YEATS2: variants seen among roughly 807,000 people sequenced by gnomAD.
YEATS2 encodes YEATS domain containing 2.
A neutral mutation model predicts 163.2 loss-of-function variants in YEATS2; 77 were observed. The observed-to-expected ratio is 0.47, with a 90% CI of 0.39 to 0.57. The LOEUF (loss-of-function observed/expected upper bound fraction) is 0.57. YEATS2 is among the 20% of genes least tolerant of loss of function. The probability of loss-of-function intolerance (pLI) is 0.00; values close to 1 mark genes in which losing one functional copy is unlikely to be tolerated. For synonymous variants in YEATS2, 631 were observed against 645.1 expected (o/e 0.98, Z 0.33); for missense variants, 1,549 against 1,729.8 (o/e 0.90, Z 1.85).
chr3:183,758,778 A>C, intron 12 of YEATS2, 84 bp from the exon 13 acceptor site: 3 of 935,186 alleles, frequency 3.2e-6, no homozygotes, highest in Non-Finnish European at 5.0e-6. Context: ...ATAGTGCGAA[A>C]GAGGGGAGGA....
Position 183,804,213 on chromosome 3 carries a change from G to A in YEATS2, c.3784+25G>A. On this transcript the variant is annotated intron_variant, in intron 27 of 30. Coordinates refer to ENST00000305135, the MANE Select transcript of YEATS2 (RefSeq NM_018023.5). ...GGTAAGCCTTCAGTGGCACTGCCCAGAGCGCCTGGCAGCCTGGAGGCATTT... is the reference window on the plus strand; with the variant it reads ...GGTAAGCCTTCAGTGGCACTGCCCAAAGCGCCTGGCAGCCTGGAGGCATTT... 2.5e-6 allele frequency: 4 copies of A among 1,613,270 alleles called. No individual in the cohort carries two copies. In the South Asian group the frequency reaches 4.4e-5, roughly 18 times the overall value.
intron 15 of YEATS2, among the ~76,000 whole-genome samples, chr3:183,771,088 G>T (rs910288446): frequency 1.3e-5 from 2 of 152,146 alleles, no homozygotes; most frequent in African/African-American, 4.8e-5. Context: ...TTCAGTTTTA[G>T]CAGATGGGCC....
intron 7 of YEATS2, among the ~76,000 whole-genome samples, chr3:183,734,098 A>G (rs1718092564): frequency 6.6e-6 from 1 of 152,208 alleles, no homozygotes; most frequent in Non-Finnish European, 1.5e-5. Flanking sequence ...ATAGAAATAT[A>G]CTGTGAGCCA....
At chr3:183,750,872 A>G (rs1720087510) in intron 9 of YEATS2, among the ~76,000 whole-genome samples, 1 of 152,138 alleles carries the variant, frequency 6.6e-6, no homozygotes, top group Non-Finnish European at 1.5e-5. Context: ...TGATTTGCAA[A>G]TATTTACTTC....
chr3:183,794,008 G>A (rs569421381), intron 21 of YEATS2, among the ~76,000 whole-genome samples: 1 of 152,292 alleles, frequency 6.6e-6, no homozygotes, highest in African/African-American at 2.4e-5. Context: ...TTAAACTTAA[G>A]GTCTCATTGG....
chr3:183,714,065 A>C (rs1440695968), intron 1 of YEATS2, among the ~76,000 whole-genome samples: 1 of 152,132 alleles, frequency 6.6e-6, no homozygotes, highest in African/African-American at 2.4e-5. Context: ...TGCTTCCCAA[A>C]GTGCTGGGAT....
chr3:183,728,837 C>T lies in YEATS2; in HGVS notation c.798C>T (p.Asp266=). The T allele has an allele frequency of 1.2e-6, 2 of 1,609,868 alleles. No homozygotes were observed. The highest frequency in any genetic ancestry group is 1.7e-6 in the Non-Finnish European group (2 of 1,178,874). ...TTCATCCTAGCTATAAACCAAATGA[C>T]CTTGTGGAAGTTAGGTAAGCACGCT... The part of the protein sequence containing the change: ...FFLHPSYKPN[D]LVEVREPPFH... The change falls in exon 7 of 31, where the codon GAC becomes GAT. Residue 266 remains aspartate, a synonymous_variant. Coordinates refer to ENST00000305135, the MANE Select transcript of YEATS2 (RefSeq NM_018023.5).
At chr3:183,711,989 T>G (rs1715274836) in intron 1 of YEATS2, among the ~76,000 whole-genome samples, 1 of 151,264 alleles carries the variant, frequency 6.6e-6, no homozygotes, top group Admixed American at 6.6e-5. Context: ...CTGGCTAATT[T>G]TTGTATTTTT....
At position 183,772,753 on chromosome 3, in the gene YEATS2, A is replaced by C. The variant is rs74680036; in HGVS notation, c.2206+190A>C. ...TAAAGGTCTGTGAGTATTTAGCTTT[A>C]AATTTACACACACACACACACACAC... On this transcript the variant is annotated intron_variant, in intron 16 of 30. Coordinates refer to ENST00000305135, the MANE Select transcript of YEATS2 (RefSeq NM_018023.5). 4.6e-3 allele frequency among the ~76,000 whole-genome samples: 589 copies of C among 128,262 alleles called. 2 individuals are homozygous for C. Among genetic ancestry groups the C allele is most frequent in the African/African-American group, 0.016 (542 of 33,144 alleles). The allele number at this position is 128,262 out of a possible 152,430, so 84.1% of individuals were successfully genotyped here. A position where few individuals can be genotyped will look rare whatever the true frequency, so the allele number is the denominator to read the frequency against.
At chr3:183,701,367 G>A (rs887692542) in intron 1 of YEATS2, among the ~76,000 whole-genome samples, 1 of 147,876 alleles carries the variant, frequency 6.8e-6, no homozygotes, top group Non-Finnish European at 1.5e-5. Flanking sequence ...TTACAGGCTT[G>A]AGCCACCGCG....
chr3:183,762,345 A>G (rs1010967721), intron 15 of YEATS2, 66 bp downstream of exon 15: 5 of 1,497,672 alleles, frequency 3.3e-6, no homozygotes, highest in East Asian at 2.3e-5. Flanking sequence ...ATAATTGACA[A>G]GTGCTGAAAA....
intron 10 of YEATS2, among the ~76,000 whole-genome samples, chr3:183,753,771 G>A (rs1720429353): frequency 6.6e-6 from 1 of 151,998 alleles, no homozygotes; most frequent in African/African-American, 2.4e-5. Flanking sequence ...AAATAAGATA[G>A]GAGGATATCA....
chr3:183,755,242 C>G (rs138086551), intron 11 of YEATS2, among the ~76,000 whole-genome samples: 1,673 of 152,218 alleles, frequency 0.011, 31 homozygotes, highest in African/African-American at 0.039. Flanking sequence ...CTCAGCCTCC[C>G]AAGTAGCTGG....
rs1384763331 is a variant in YEATS2, at chr3:183,762,091, T to G, written c.1765-6T>G. The stretch of plus-strand genomic sequence containing the variant: ...GTTTATTCAGTGTCATTATGTTTGT[T>G]GCAAGGTGATCATCAAACAGGAACC... On this transcript the variant is annotated splice_region_variant and splice_polypyrimidine_tract_variant and intron_variant, in intron 14 of 30. Coordinates refer to ENST00000305135, the MANE Select transcript of YEATS2 (RefSeq NM_018023.5). 6.2e-7 allele frequency: 1 copy of G among 1,614,102 alleles called. No individual in the cohort carries two copies. The highest frequency in any genetic ancestry group is 1.1e-5 in the South Asian group (1 of 91,076).
At chr3:183,729,694 G>A (rs1717512001) in intron 7 of YEATS2, among the ~76,000 whole-genome samples, 1 of 150,960 alleles carries the variant, frequency 6.6e-6, no homozygotes, top group African/African-American at 2.4e-5. Flanking sequence ...TTTTTGAGAC[G>A]GAGTTTCACT....
intron 15 of YEATS2, among the ~76,000 whole-genome samples, chr3:183,762,527 T>C (rs1721476922): frequency 6.6e-6 from 1 of 152,228 alleles, no homozygotes. Context: ...GGAACACTGC[T>C]GTCTCTGGCA....
chr3:183,799,549 T>C (rs1463155673), intron 23 of YEATS2, among the ~76,000 whole-genome samples: 1 of 152,050 alleles, frequency 6.6e-6, no homozygotes, highest in East Asian at 1.9e-4. Flanking sequence ...AAAGGAGGTT[T>C]AGGTAGGGGC....
chr3:183,748,489 C>G (rs1372864094), intron 9 of YEATS2, among the ~76,000 whole-genome samples: 1 of 152,050 alleles, frequency 6.6e-6, no homozygotes, highest in Non-Finnish European at 1.5e-5. Context: ...TGACTGCTCT[C>G]GAACTGCCTG....
chr3:183,732,983 C>G (rs1717963573), intron 7 of YEATS2, among the ~76,000 whole-genome samples: 1 of 152,184 alleles, frequency 6.6e-6, no homozygotes, highest in African/African-American at 2.4e-5. Flanking sequence ...ACTTTAGCCT[C>G]CTGGGTAGCT....
Sources: gnomAD v4.1 joint callset for allele counts (sites outside exome capture counted in the v4.1 genomes callset) on GRCh38, gnomAD v4.1.1 for gene constraint, MANE v1.5 for transcripts, NCBI Gene and HGNC (gene_info 2026-07-23, HGNC 2026-07-21) for gene names.